AHI1: variants seen among roughly 807,000 people sequenced by gnomAD.
The protein encoded by AHI1 is Abelson helper integration site 1, also known as jouberin.
In AHI1, 123 loss-of-function variants were observed where a neutral mutation model predicts 149.3. The observed-to-expected ratio is 0.82, with a 90% CI of 0.71 to 0.96. AHI1 has a LOEUF of 0.96. AHI1 is among the 40% of genes least tolerant of loss of function. The pLI, the probability that AHI1 is intolerant of heterozygous loss-of-function variation, is 0.00. For missense variants in AHI1, 1,439 were observed against 1,422.7 expected (o/e 1.01, Z -0.18); for synonymous variants, 475 against 459.8 (o/e 1.03, Z -0.42).
At chr6:135,327,044 A>G (rs994108334) in intron 24 of AHI1, among the ~76,000 whole-genome samples, 1 of 152,210 alleles carries the variant, frequency 6.6e-6, no homozygotes, top group Non-Finnish European at 1.5e-5. Context: ...TCCCATTCCC[A>G]TACAGGTTGC....
chr6:135,358,791 G>A (rs1793395104), intron 23 of AHI1, among the ~76,000 whole-genome samples: 1 of 152,058 alleles, frequency 6.6e-6, no homozygotes, highest in African/African-American at 2.4e-5. Flanking sequence ...TGTTCCCAAT[G>A]TTCTCTACTG....
Position 135,429,866 on chromosome 6 carries a change from A to G in AHI1, c.2492+16T>C, listed in dbSNP as rs1299308024. 2 of 1,403,810 alleles carry G rather than the reference A, an allele frequency of 1.4e-6. No homozygotes were observed. The highest frequency in any genetic ancestry group is 1.9e-5 in the Admixed American group (1 of 51,976). The allele number at this position is 1,403,810 out of a possible 1,614,324, so 87.0% of individuals were successfully genotyped here. On this transcript the variant is annotated intron_variant, in intron 18 of 28. Coordinates refer to ENST00000265602, the MANE Select transcript of AHI1 (RefSeq NM_001134831.2). ...CTCTGTGAGTACTTATCCTGTCAAC[A>G]CTGAAATATACTTACATCCGGAGAT... is the stretch of plus-strand genomic sequence containing the variant.
At chr6:135,454,227 G>C (rs1788572499) in intron 10 of AHI1, among the ~76,000 whole-genome samples, 1 of 151,912 alleles carries the variant, frequency 6.6e-6, no homozygotes, top group African/African-American at 2.4e-5. Flanking sequence ...CTAGTTTGCA[G>C]GCCAAATCTT....
chr6:135,352,712 T>TAC (rs573886880), intron 24 of AHI1, among the ~76,000 whole-genome samples: 13,879 of 145,394 alleles, frequency 0.095, 740 homozygotes, highest in South Asian at 0.16. Context: ...TATATATATA[T>TAC]ACACACACAC....
chr6:135,351,624 G>A (rs1006670082), intron 24 of AHI1, among the ~76,000 whole-genome samples: 8 of 152,176 alleles, frequency 5.3e-5, no homozygotes, highest in East Asian at 3.8e-4. Flanking sequence ...AGCTCAGAGC[G>A]GCCAGAGTGA....
intron 8 of AHI1, among the ~76,000 whole-genome samples, chr6:135,461,717 C>A (rs1183957992): frequency 6.6e-6 from 1 of 151,832 alleles, no homozygotes; most frequent in Non-Finnish European, 1.5e-5. Flanking sequence ...TATATTCACA[C>A]AATGGATATC....
rs140782460 is a variant in AHI1, at chr6:135,384,967, T to C, written c.3109+9809A>G. ...AGCTGGGCATGGTGGCAGGTACTTG[T>C]AGTACCAGCTACTTGGGAGGCTGAG... On this transcript the variant is annotated intron_variant, in intron 23 of 28. Coordinates refer to ENST00000265602, the MANE Select transcript of AHI1 (RefSeq NM_001134831.2). 9.4e-3 allele frequency among the ~76,000 whole-genome samples: 1,423 copies of C among 152,010 alleles called. 21 individuals carry two copies. Among genetic ancestry groups the C allele is most frequent in the African/African-American group, 0.032 (1,329 of 41,342 alleles).
chr6:135,434,364 A>G (rs1785084525), intron 15 of AHI1, among the ~76,000 whole-genome samples: 1 of 152,036 alleles, frequency 6.6e-6, no homozygotes, highest in African/African-American at 2.4e-5. Context: ...TCAATTGCAC[A>G]AGCATTTTTA....
intron 20 of AHI1, among the ~76,000 whole-genome samples, chr6:135,411,803 T>C (rs1011513282): frequency 6.6e-6 from 1 of 152,176 alleles, no homozygotes; most frequent in South Asian, 2.1e-4. Context: ...TAACTTTAAA[T>C]ATATGTATAT....
chr6:135,361,022 C>A (rs952477136), intron 23 of AHI1, among the ~76,000 whole-genome samples: 5 of 152,066 alleles, frequency 3.3e-5, no homozygotes, highest in African/African-American at 1.2e-4. Flanking sequence ...TTGTTCTTTT[C>A]TTCCTCTTTT....
chr6:135,361,949 G>A (rs1793954834), intron 23 of AHI1, among the ~76,000 whole-genome samples: 1 of 152,052 alleles, frequency 6.6e-6, no homozygotes, highest in African/African-American at 2.4e-5. Context: ...CACCCAAGCA[G>A]TGTACACTGT....
At chr6:135,493,935 G>C (rs1795612744) in intron 3 of AHI1, among the ~76,000 whole-genome samples, 1 of 152,106 alleles carries the variant, frequency 6.6e-6, no homozygotes. Context: ...CCCAGCTACT[G>C]GGGAGGCTGA....
At chr6:135,350,003 A>G (rs1399686413) in intron 24 of AHI1, among the ~76,000 whole-genome samples, 1 of 152,214 alleles carries the variant, frequency 6.6e-6, no homozygotes, top group East Asian at 1.9e-4. Flanking sequence ...ATACTGTTGT[A>G]TAATTACCCA....
At chr6:135,429,338 A>G (rs1784335516) in intron 18 of AHI1, among the ~76,000 whole-genome samples, 1 of 151,718 alleles carries the variant, frequency 6.6e-6, no homozygotes, top group African/African-American at 2.4e-5. Context: ...TATCATCTCT[A>G]ACATCAAACA....
intron 17 of AHI1, among the ~76,000 whole-genome samples, chr6:135,430,622 T>C (rs1784516744): frequency 6.6e-6 from 1 of 151,986 alleles, no homozygotes; most frequent in African/African-American, 2.4e-5. Context: ...GATTCATTTG[T>C]ATTTTTAAAT....
intron 24 of AHI1, among the ~76,000 whole-genome samples, chr6:135,356,614 A>T (rs1235618456): frequency 6.6e-6 from 1 of 152,202 alleles, no homozygotes; most frequent in Non-Finnish European, 1.5e-5. Flanking sequence ...AAAGGACTGA[A>T]TATATTATTC....
chr6:135,325,194 T>C (rs1451312434), intron 24 of AHI1, among the ~76,000 whole-genome samples: 2 of 152,074 alleles, frequency 1.3e-5, no homozygotes, highest in African/African-American at 4.8e-5. Flanking sequence ...GCCTGGCTAA[T>C]TTTTGTATTT....
intron 5 of AHI1, among the ~76,000 whole-genome samples, chr6:135,478,807 A>T (rs1793135905): frequency 6.6e-6 from 1 of 152,252 alleles, no homozygotes; most frequent in Non-Finnish European, 1.5e-5. Context: ...CAGGCCTGGA[A>T]GCCTAGGAGG....
At chr6:135,410,564 G>A (rs544952885) in intron 21 of AHI1, among the ~76,000 whole-genome samples, 8 of 152,166 alleles carry the variant, frequency 5.3e-5, no homozygotes, top group East Asian at 1.9e-4. Context: ...GTATTCTTGC[G>A]TGCTTCTGAA....
Sources: allele counts gnomAD v4.1 joint callset (sites outside exome capture counted in the v4.1 genomes callset), GRCh38; gene constraint gnomAD v4.1.1; transcripts MANE v1.5; gene names NCBI Gene and HGNC (gene_info 2026-07-23, HGNC 2026-07-21).